ZBTB38: variants seen among roughly 807,000 people sequenced by gnomAD.
ZBTB38 encodes zinc finger and BTB domain-containing protein 38.
ZBTB38 carries 20 observed loss-of-function variants against 76.8 expected under a neutral mutation model. The ratio of observed to expected loss-of-function variants is 0.26; its 90% confidence interval spans 0.18 to 0.38. The LOEUF (loss-of-function observed/expected upper bound fraction) is 0.38, where lower values mean the gene tolerates loss of function less well. ZBTB38 is among the 10% of genes least tolerant of loss of function. The pLI is 1.00. For missense variants in ZBTB38, 1,082 were observed against 1,482.3 expected, an observed-to-expected ratio of 0.73 and a Z score of 4.43; for synonymous variants, 504 against 544.2, an observed-to-expected ratio of 0.93 and a Z score of 1.03.
intron 1 of ZBTB38, among the ~76,000 whole-genome samples, chr3:141,346,783 T>TGTGG (rs1559915364): frequency 6.1e-4 from 1 of 1,642 alleles, no homozygotes; most frequent in Non-Finnish European, 9.4e-4. Flanking sequence ...TGTTTTGTTT[T>TGTGG]GTGTGTGTGT....
intron 2 of ZBTB38, among the ~76,000 whole-genome samples, chr3:141,372,621 C>T (rs1233412006): frequency 4.0e-5 from 6 of 150,216 alleles, no homozygotes; most frequent in African/African-American, 9.8e-5. Flanking sequence ...CACAGGACTC[C>T]GGCCTGGGCA....
intron 4 of ZBTB38, chr3:141,389,323 G>A (rs1436748837): frequency 1.3e-5 from 2 of 151,994 alleles, no homozygotes; most frequent in Non-Finnish European, 2.9e-5. Context: ...TTGTTGTCAT[G>A]TTGTTTTGTG....
intron 5 of ZBTB38, chr3:141,425,999 T>C: frequency 2.3e-6 from 1 of 443,300 alleles, no homozygotes; most frequent in Admixed American, 2.6e-5. Flanking sequence ...CATATATGCT[T>C]GTTAGGTGTT....
intron 1 of ZBTB38, among the ~76,000 whole-genome samples, chr3:141,354,199 T>C (rs1943596981): frequency 6.6e-6 from 1 of 152,132 alleles, no homozygotes; most frequent in Non-Finnish European, 1.5e-5. Flanking sequence ...AAATCATTAC[T>C]AACCTACAAA....
At chr3:141,435,759 GA>G (rs200993127) in intron 5 of ZBTB38, among the ~76,000 whole-genome samples, 58 of 125,784 alleles carry the variant, frequency 4.6e-4, no homozygotes, top group South Asian at 1.3e-3. Flanking sequence ...GACTGCCTCA[GA>G]AAAAAAAAAA....
chr3:141,351,004 T>C (rs1324912490), intron 1 of ZBTB38, among the ~76,000 whole-genome samples: 1 of 152,248 alleles, frequency 6.6e-6, no homozygotes, highest in Non-Finnish European at 1.5e-5. Flanking sequence ...CATTGCTTTA[T>C]TTATTTTTTC....
intron 1 of ZBTB38, among the ~76,000 whole-genome samples, chr3:141,344,742 A>G (rs144746726): frequency 1.4e-3 from 207 of 152,272 alleles, no homozygotes; most frequent in Non-Finnish European, 1.2e-3. Flanking sequence ...CTCTCTCACT[A>G]ACTACAATTG....
chr3:141,436,880 C>G (rs2078934044), intron 5 of ZBTB38, among the ~76,000 whole-genome samples: 1 of 152,170 alleles, frequency 6.6e-6, no homozygotes, highest in African/African-American at 2.4e-5. Flanking sequence ...TCACATGGGT[C>G]AAACAAAACC....
chr3:141,417,937 C>G (rs1013377640), intron 5 of ZBTB38, among the ~76,000 whole-genome samples: 2 of 152,136 alleles, frequency 1.3e-5, no homozygotes, highest in African/African-American at 4.8e-5. Context: ...TCATTTGAAC[C>G]CAGGAGGCAG....
At chr3:141,398,523 A>G (rs1359965246) in intron 4 of ZBTB38, among the ~76,000 whole-genome samples, 1 of 152,204 alleles carries the variant, frequency 6.6e-6, no homozygotes. Context: ...TTTTATTAAC[A>G]TAACCTTTTA....
chr3:141,359,244 G>C (rs1168744361), intron 1 of ZBTB38, among the ~76,000 whole-genome samples: 2 of 152,178 alleles, frequency 1.3e-5, no homozygotes, highest in Non-Finnish European at 2.9e-5. Context: ...AGATGCTGCT[G>C]CTCTTCAAGG....
At chr3:141,402,499 AGGCGCGGCCTGCG>A (rs959635096) in intron 4 of ZBTB38, 5 of 144,974 alleles carry the variant, frequency 3.4e-5, no homozygotes, top group South Asian at 2.2e-4. Flanking sequence ...GGGCGGGGCG[AGGCGCGGCCTGCG>A]GGCGCGGCGC....
At chr3:141,406,609 G>A (rs896077344) in intron 5 of ZBTB38, among the ~76,000 whole-genome samples, 1 of 152,100 alleles carries the variant, frequency 6.6e-6, no homozygotes, top group South Asian at 2.1e-4. Context: ...GGGAGTCTTT[G>A]GTTTATAAGA....
intron 1 of ZBTB38, among the ~76,000 whole-genome samples, chr3:141,340,041 C>T (rs529879939): frequency 6.6e-6 from 1 of 152,306 alleles, no homozygotes; most frequent in African/African-American, 2.4e-5. Context: ...GCTCCGAGCC[C>T]TGCATGCCAC....
At chr3:141,440,607 A>G (rs776320856) in intron 5 of ZBTB38, among the ~76,000 whole-genome samples, 6 of 152,190 alleles carry the variant, frequency 3.9e-5, no homozygotes, top group Admixed American at 1.3e-4. Context: ...GACTGGATGA[A>G]TCTCTGGTTA....
intron 5 of ZBTB38, among the ~76,000 whole-genome samples, chr3:141,434,817 A>G (rs2078385050): frequency 6.6e-6 from 1 of 151,830 alleles, no homozygotes; most frequent in African/African-American, 2.4e-5. Flanking sequence ...TGTCCTTATA[A>G]GTATAATATA....
chr3:141,346,910 A>T (rs915436098), intron 1 of ZBTB38, among the ~76,000 whole-genome samples: 3 of 151,882 alleles, frequency 2.0e-5, no homozygotes, highest in Admixed American at 2.0e-4. Flanking sequence ...TCTACTACGA[A>T]TGTTTTATTC....
chr3:141,381,545 C>G lies in ZBTB38; in HGVS notation c.-172+58C>G, dbSNP rs1460291500. The G allele has an allele frequency of 2.6e-5, 4 of 152,362 alleles. No individual in the cohort carries two copies. The East Asian group carries it at 7.7e-4, about 29-fold the overall frequency. The allele number at this position is 152,362 out of a possible 1,614,324, so 9.4% of individuals were successfully genotyped here. On this transcript the variant is annotated intron_variant, in intron 3 of 5. Transcript: ENST00000321464. ...GCTAATGGATGGACGTGAGGATGCT[C>G]ATGTCTAAGAACTGGAGAAGGTTTC... is the stretch of plus-strand genomic sequence containing the variant.
chr3:141,368,134 G>A (rs974961921), upstream of ZBTB38, among the ~76,000 whole-genome samples: 2 of 152,234 alleles, frequency 1.3e-5, no homozygotes, highest in African/African-American at 2.4e-5. Context: ...GAAGAAGGGG[G>A]ATGGCAGAGG....
Sources: gnomAD v4.1 joint callset for allele counts (sites outside exome capture counted in the v4.1 genomes callset) on GRCh38, gnomAD v4.1.1 for gene constraint, MANE v1.5 for transcripts, NCBI Gene and HGNC (gene_info 2026-07-23, HGNC 2026-07-21) for gene names.